The following HMCN1 variants were observed in gnomAD, a reference collection of about 807,000 sequenced individuals.
The protein encoded by HMCN1 is hemicentin 1.
A neutral mutation model predicts 625.9 loss-of-function variants in HMCN1; 321 were observed. That is an observed-to-expected ratio of 0.51 (90% CI 0.47 to 0.56). HMCN1 has a LOEUF of 0.56. Among genes scored for constraint, HMCN1 ranks in the 20% least tolerant of loss-of-function variants. HMCN1 has a pLI of 0.00. For synonymous variants in HMCN1, 2,425 were observed against 2,417.6 expected, an observed-to-expected ratio of 1.00 and a Z score of -0.09; for missense variants, 6,588 against 6,887.3, an observed-to-expected ratio of 0.96 and a Z score of 1.54.
intron 1 of HMCN1, among the ~76,000 whole-genome samples, chr1:185,793,863 A>G (rs1193379294): frequency 1.3e-5 from 2 of 152,200 alleles, no homozygotes; most frequent in Non-Finnish European, 2.9e-5. Context: ...TGCCATATGC[A>G]GATGAACTAT....
chr1:186,137,690 A>T, intron 88 of HMCN1, 22 bp downstream of exon 88: 1 of 1,613,972 alleles, frequency 6.2e-7, no homozygotes. Context: ...TATTTAACTG[A>T]TAGGCATGTG....
chr1:186,086,170 G>T, intron 57 of HMCN1, 76 bp from the exon 58 acceptor site: 2 of 1,340,160 alleles, frequency 1.5e-6, no homozygotes, highest in Admixed American at 1.7e-5. Context: ...GAGTACAGTG[G>T]TTGGATTTAT....
chr1:185,824,628 C>A (rs2102275470), intron 1 of HMCN1, among the ~76,000 whole-genome samples: 2 of 152,176 alleles, frequency 1.3e-5, no homozygotes, highest in South Asian at 4.1e-4. Flanking sequence ...TTGGAGTTTT[C>A]ATGGGGAAGG....
intron 11 of HMCN1, among the ~76,000 whole-genome samples, chr1:185,958,935 C>T (rs1649821299): frequency 6.6e-6 from 1 of 152,290 alleles, no homozygotes; most frequent in Non-Finnish European, 1.5e-5. Flanking sequence ...TTTCAATGAA[C>T]TGACTACTAG....
At position 186,082,677 on chromosome 1, in the gene HMCN1, T is replaced by C. The variant is rs139932133; in HGVS notation, c.8788-188T>C. ...ATATGTATAGAATTACCTCTCCTGA[T>C]TAAAAATCTTAGTAAATATTTATTT... is the stretch of plus-strand genomic sequence containing the variant. On this transcript the variant is annotated intron_variant, in intron 56 of 106. Transcript: ENST00000271588. Among the ~76,000 whole-genome samples the C allele has an allele frequency of 2.3e-4, 35 of 152,240 alleles. 1 individual carries two copies. In the East Asian group the frequency reaches 4.4e-3, roughly 19 times the overall value.
chr1:186,057,242 A>G lies in HMCN1; in HGVS notation c.7153A>G (p.Ser2385Gly), dbSNP rs138727762. The G allele has an allele frequency of 1.4e-5, 23 of 1,610,986 alleles. No homozygotes were observed. The African/African-American group carries it at 3.1e-4, about 22-fold the overall frequency. The change falls in exon 46 of 107, where the codon AGC (serine) becomes GGC (glycine). Residue 2385 changes from serine (S) to glycine (G), a missense_variant. Physicochemically the swap from Ser to Gly is moderately conservative, Grantham distance 56. This residue lies in a region of HMCN1 where 4,628 missense variants were observed against 4,853.1 expected (regional missense o/e 0.95). Transcript: ENST00000271588. ...TTTATTTTGTCTTACAGCTCCTCCA[A>G]GCATCATAGGAAACCACAGGTCACC... ...KYDLSVHAPPSIIGNHRSPEN... is the reference protein window; with the variant it reads ...KYDLSVHAPPGIIGNHRSPEN...
intron 97 of HMCN1, among the ~76,000 whole-genome samples, chr1:186,161,734 T>A (rs559728627): frequency 2.0e-5 from 3 of 152,176 alleles, no homozygotes; most frequent in Non-Finnish European, 4.4e-5. Flanking sequence ...TCTTTAAGAA[T>A]GTTGAATATT....
intron 35 of HMCN1, among the ~76,000 whole-genome samples, chr1:186,020,173 TAGTG>T (rs1654626369): frequency 6.6e-6 from 1 of 151,992 alleles, no homozygotes; most frequent in Non-Finnish European, 1.5e-5. Context: ...TTATCGTTCA[TAGTG>T]AGTATAGTCC....
intron 7 of HMCN1, among the ~76,000 whole-genome samples, chr1:185,922,739 T>G (rs1409439970): frequency 6.6e-6 from 1 of 152,208 alleles, no homozygotes; most frequent in Non-Finnish European, 1.5e-5. Flanking sequence ...CCAGATCTCC[T>G]GAATTAGAAC....
At chr1:186,151,864 G>A in intron 95 of HMCN1, 121 bp downstream of exon 95, 1 of 990,452 alleles carries the variant, frequency 1.0e-6, no homozygotes, top group East Asian at 2.5e-5. Flanking sequence ...TCTTATAAGT[G>A]ATATAAAAGC....
In HMCN1 at chr1:186,128,269, C is replaced by G; in HGVS notation, c.12882C>G (p.Thr4294=). 6.2e-7 allele frequency: 1 copy of G among 1,612,988 alleles called. No individual in the cohort carries two copies. Among genetic ancestry groups the G allele is most frequent in the Non-Finnish European group, 8.5e-7 (1 of 1,179,342 alleles). Residue 4294 remains threonine, a synonymous_variant, in exon 83 of 107, where the codon ACC becomes ACG. Coordinates refer to ENST00000271588, the MANE Select transcript of HMCN1 (RefSeq NM_031935.3). ...TTCCATTGCCCAAATTAACATGGAC[C>G]TTCAATAACAATATTATTCCAGGTT... is the stretch of plus-strand genomic sequence containing the variant. ...TGIPLPKLTW[T]FNNNIIPAHF...
chr1:185,940,711 G>C (rs947030411), intron 11 of HMCN1, among the ~76,000 whole-genome samples: 1 of 151,966 alleles, frequency 6.6e-6, no homozygotes, highest in Admixed American at 6.6e-5. Context: ...ATTTCCTACA[G>C]TTGCTAGTCA....
At chr1:186,107,525 A>G (rs963116568) in intron 70 of HMCN1, among the ~76,000 whole-genome samples, 2 of 152,230 alleles carry the variant, frequency 1.3e-5, no homozygotes, top group Admixed American at 6.5e-5. Context: ...TAGTGTACCT[A>G]TAGAATTTAA....
intron 89 of HMCN1, 111 bp from the exon 90 acceptor site, chr1:186,144,062 C>T: frequency 2.2e-6 from 2 of 915,078 alleles, no homozygotes; most frequent in Non-Finnish European, 3.3e-6. Flanking sequence ...AGTTTCAATT[C>T]TCTTAGATTG....
At chr1:186,005,295 A>T (rs1653512826) in intron 29 of HMCN1, among the ~76,000 whole-genome samples, 1 of 143,276 alleles carries the variant, frequency 7.0e-6, no homozygotes, top group South Asian at 2.2e-4. Flanking sequence ...ACAAATTTTT[A>T]ATTGTTTAAA....
chr1:186,159,714 G>C (rs1212537279), intron 97 of HMCN1, among the ~76,000 whole-genome samples: 1 of 152,142 alleles, frequency 6.6e-6, no homozygotes, highest in Non-Finnish European at 1.5e-5. Context: ...TTATATGCTA[G>C]ATTACATTTA....
Position 185,982,330 on chromosome 1 carries a change from T to A in HMCN1, c.2731T>A (p.Cys911Ser). The change falls in exon 18 of 107, where the codon TGT (cysteine) becomes AGT (serine). Residue 911 changes from cysteine to serine, a missense_variant. Around this residue, in one of 3 missense-constraint regions of HMCN1, gnomAD observed 4,628 missense variants for 4,853.1 expected, o/e 0.95. Coordinates refer to ENST00000271588, the MANE Select transcript of HMCN1 (RefSeq NM_031935.3). ...TGAAGGACAGCAGCTTACTTTGCCC[T>A]GTACTCTGTTAGCTGGAAATCCCAT... Reference protein sequence around the residue: ...VIEGQQLTLPCTLLAGNPIPE... With the variant: ...VIEGQQLTLPSTLLAGNPIPE... 1 of 1,613,402 alleles carries A rather than the reference T, an allele frequency of 6.2e-7. No homozygotes were observed. The highest frequency in any genetic ancestry group is 8.5e-7 in the Non-Finnish European group (1 of 1,179,342).
chr1:186,039,841 G>T lies in HMCN1; in HGVS notation c.6142G>T (p.Asp2048Tyr), dbSNP rs1396636352. ...TGCCCCAAGTCTGACCTGGTTGAAA[G>T]ATGGGAGTCCTGTTTCTAGTTTTTC... ...IPAPSLTWLK[D>Y]GSPVSSFSNG... Residue 2048 changes from aspartate (D) to tyrosine (Y), a missense_variant, in exon 39 of 107, where the codon GAT (aspartate) becomes TAT (tyrosine). Physicochemically the swap from Asp to Tyr is radical, Grantham distance 160 (BLOSUM62 -3). Around this residue, in one of 3 missense-constraint regions of HMCN1, gnomAD observed 4,628 missense variants for 4,853.1 expected, o/e 0.95. Transcript: ENST00000271588. 1.2e-6 allele frequency: 2 copies of T among 1,613,410 alleles called. No individual in the cohort carries two copies. Among genetic ancestry groups the T allele is most frequent in the Non-Finnish European group, 1.7e-6 (2 of 1,179,628 alleles).
intron 1 of HMCN1, among the ~76,000 whole-genome samples, chr1:185,835,568 C>T (rs974029926): frequency 1.3e-5 from 2 of 151,688 alleles, no homozygotes; most frequent in African/African-American, 4.8e-5. Flanking sequence ...CTTCATTGAC[C>T]TTACAGAGAC....
Sources: gnomAD v4.1 joint callset for allele counts (sites outside exome capture counted in the v4.1 genomes callset) on GRCh38, gnomAD v4.1.1 for gene constraint, gnomAD v4.1.1 regional missense constraint, MANE v1.5 for transcripts, NCBI Gene and HGNC (gene_info 2026-07-23, HGNC 2026-07-21) for gene names.